The following MAP3K19 variants were observed in gnomAD, a reference collection of about 807,000 sequenced individuals.
MAP3K19 encodes the protein SPS1/STE20-related protein kinase YSK4.
A neutral mutation model predicts 114.4 loss-of-function variants in MAP3K19; 91 were observed. That is an observed-to-expected ratio of 0.80 (90% CI 0.67 to 0.95). The LOEUF (loss-of-function observed/expected upper bound fraction) is 0.95, where lower values mean the gene tolerates loss of function less well. Among genes scored for constraint, MAP3K19 ranks in the 40% least tolerant of loss-of-function variants. The pLI is 0.00. For missense variants in MAP3K19, 1,471 were observed against 1,573.2 expected (o/e 0.94, Z 1.10); for synonymous variants, 518 against 530.5 (o/e 0.98, Z 0.32).
rs766393988 is a variant in MAP3K19, at chr2:135,018,756, C to G, written c.138+2959G>C. ...GATAGAGGAACAACAGGCAAAAATA[C>G]GTACCTCGACCTAAACCTTGTACTT... On this transcript the variant is annotated intron_variant, in intron 5 of 12. Coordinates refer to ENST00000392915, the MANE Select transcript of MAP3K19 (RefSeq NM_025052.5). 6.1e-4 allele frequency among the ~76,000 whole-genome samples: 93 copies of G among 152,092 alleles called. 1 individual carries two copies. The highest frequency in any genetic ancestry group is 2.2e-4 in the Non-Finnish European group (15 of 68,026).
At chr2:135,021,639 T>C (rs1687986655) in intron 5 of MAP3K19, 76 bp downstream of exon 5, 3 of 748,458 alleles carry the variant, frequency 4.0e-6, no homozygotes, top group Non-Finnish European at 6.7e-6. Flanking sequence ...ATGAGTGTTA[T>C]GAAGTATTCA....
chr2:135,016,913 A>G (rs1373335301), intron 5 of MAP3K19, among the ~76,000 whole-genome samples: 1 of 152,206 alleles, frequency 6.6e-6, no homozygotes, highest in African/African-American at 2.4e-5. Context: ...CTGTCCTGCA[A>G]TGATGGGTCT....
chr2:134,974,780 C>T (rs1684110613), intron 12 of MAP3K19, among the ~76,000 whole-genome samples: 1 of 151,984 alleles, frequency 6.6e-6, no homozygotes, highest in Non-Finnish European at 1.5e-5. Flanking sequence ...AGTCTATTGT[C>T]GAAGCTCTTG....
At chr2:134,996,492 T>G (rs1160459073) in intron 8 of MAP3K19, among the ~76,000 whole-genome samples, 1 of 152,140 alleles carries the variant, frequency 6.6e-6, no homozygotes, top group Non-Finnish European at 1.5e-5. Context: ...GCTTGATTAG[T>G]GCTATGTTGT....
intron 2 of MAP3K19, among the ~76,000 whole-genome samples, chr2:135,031,938 A>G (rs552417231): frequency 1.3e-5 from 2 of 152,284 alleles, no homozygotes; most frequent in East Asian, 3.9e-4. Flanking sequence ...GTCTGAAGCA[A>G]TGGAACAGCC....
chr2:135,008,232 C>T (rs1212075763), intron 5 of MAP3K19, among the ~76,000 whole-genome samples: 1 of 152,052 alleles, frequency 6.6e-6, no homozygotes, highest in Non-Finnish European at 1.5e-5. Context: ...AAGAGATTCT[C>T]CTGTCTCAAC....
chr2:134,978,587 G>A (rs1265356419), intron 12 of MAP3K19, among the ~76,000 whole-genome samples: 1 of 152,150 alleles, frequency 6.6e-6, no homozygotes, highest in Admixed American at 6.5e-5. Flanking sequence ...CCTTACAGGA[G>A]GTGGGAAGGG....
intron 12 of MAP3K19, among the ~76,000 whole-genome samples, chr2:134,965,306 T>A (rs975906844): frequency 2.0e-5 from 3 of 152,260 alleles, no homozygotes; most frequent in Admixed American, 6.5e-5. Context: ...CATTTACTTT[T>A]AAAATTCAGA....
At chr2:135,023,502 C>T (rs762109432) in intron 4 of MAP3K19, 1 of 533,378 alleles carries the variant, frequency 1.9e-6, no homozygotes, top group African/African-American at 1.9e-5. Flanking sequence ...CAGAAACTTG[C>T]TACTTGAAAG....
At chr2:134,965,672 C>T (rs761975238) in intron 12 of MAP3K19, among the ~76,000 whole-genome samples, 23 of 152,276 alleles carry the variant, frequency 1.5e-4, no homozygotes, top group African/African-American at 5.5e-4. Context: ...CTACCCGCTA[C>T]ATTGTGCAAC....
chr2:134,964,854 TG>T lies in MAP3K19; in HGVS notation c.3982del (p.His1328ThrfsTer19). On this transcript the variant is annotated frameshift_variant, in exon 13 of 13. Transcript: ENST00000392915. LOFTEE classifies it high-confidence loss of function. ...GAAGAAAGTCTTGATGTATATTCAG[TG>T]ACTTCTCTCCAAGAAGGAGTGCTTC... The part of the protein sequence containing the change: ...LLKHSFLERS[H>X] 6.2e-7 allele frequency: 1 copy of T among 1,612,662 alleles called. No individual in the cohort carries two copies. Among genetic ancestry groups the T allele is most frequent in the Non-Finnish European group, 8.5e-7 (1 of 1,178,900 alleles).
At chr2:134,984,404 T>C (rs1402858523) in intron 10 of MAP3K19, among the ~76,000 whole-genome samples, 1 of 152,098 alleles carries the variant, frequency 6.6e-6, no homozygotes, top group African/African-American at 2.4e-5. Flanking sequence ...TATATATACA[T>C]ACACATATGT....
At chr2:134,997,157 C>G (rs190448347) in intron 8 of MAP3K19, among the ~76,000 whole-genome samples, 1 of 152,188 alleles carries the variant, frequency 6.6e-6, no homozygotes, top group Non-Finnish European at 1.5e-5. Flanking sequence ...CACTTCAAGT[C>G]CAGATTTCTT....
intron 5 of MAP3K19, among the ~76,000 whole-genome samples, chr2:135,007,883 G>T (rs1686942848): frequency 6.6e-6 from 1 of 152,018 alleles, no homozygotes; most frequent in Non-Finnish European, 1.5e-5. Flanking sequence ...ATTTTTTAAA[G>T]CAAAATTTAA....
At chr2:135,016,095 A>C (rs1456795734) in intron 5 of MAP3K19, among the ~76,000 whole-genome samples, 1 of 152,102 alleles carries the variant, frequency 6.6e-6, no homozygotes, top group African/African-American at 2.4e-5. Flanking sequence ...TACCAAAAAC[A>C]AATTGAAAAA....
intron 3 of MAP3K19, among the ~76,000 whole-genome samples, chr2:135,027,865 T>A (rs1688295053): frequency 6.6e-6 from 1 of 152,156 alleles, no homozygotes; most frequent in South Asian, 2.1e-4. Flanking sequence ...GAAAGACAGA[T>A]CTGGGTTTCA....
chr2:134,988,095 G>GCTGAGCTCAT lies in MAP3K19; in HGVS notation c.767_776dup (p.Ser259ArgfsTer2). The GCTGAGCTCAT allele has an allele frequency of 6.2e-7, 1 of 1,614,104 alleles. No individual in the cohort carries two copies. Among genetic ancestry groups the GCTGAGCTCAT allele is most frequent in the East Asian group, 2.2e-5 (1 of 44,878 alleles). ...GGGCTCCCGGAGGCTCGTTTGATGG[G>GCTGAGCTCAT]CTGAGCTCATCAGATTGACGAACAG... On this transcript the variant is annotated stop_gained and frameshift_variant, in exon 10 of 13. Transcript: ENST00000392915. LOFTEE classifies it high-confidence loss of function.
At chr2:135,009,402 G>A (rs779733665) in intron 5 of MAP3K19, among the ~76,000 whole-genome samples, 2 of 152,010 alleles carry the variant, frequency 1.3e-5, no homozygotes, top group Non-Finnish European at 2.9e-5. Context: ...TTCTTTTTTA[G>A]TATTATATAT....
chr2:135,039,238 T>C (rs1688599043), intron 2 of MAP3K19, among the ~76,000 whole-genome samples: 1 of 151,580 alleles, frequency 6.6e-6, no homozygotes, highest in Non-Finnish European at 1.5e-5. Flanking sequence ...GAGAGGCTAA[T>C]TGAGGAAGCA....
Sources: allele counts gnomAD v4.1 joint callset (sites outside exome capture counted in the v4.1 genomes callset), GRCh38; gene constraint gnomAD v4.1.1; transcripts MANE v1.5; gene names NCBI Gene and HGNC (gene_info 2026-07-23, HGNC 2026-07-21).